TSC22D1: variants seen among roughly 807,000 people sequenced by gnomAD.
TSC22D1 encodes TSC22 domain family protein 1.
Under a neutral mutation model 74.2 loss-of-function variants are expected in TSC22D1, and 9 were observed. The observed-to-expected ratio is 0.12, with a 90% CI of 0.07 to 0.21. The LOEUF (loss-of-function observed/expected upper bound fraction) is 0.21, where lower values mean the gene tolerates loss of function less well. TSC22D1 is among the 10% of genes least tolerant of loss of function. The pLI is 1.00. For synonymous variants in TSC22D1, 586 were observed against 492.5 expected (o/e 1.19, Z -2.51); for missense variants, 1,427 against 1,304.7 (o/e 1.09, Z -1.44).
chr13:44,494,620 C>T (rs762543403), intron 1 of TSC22D1, among the ~76,000 whole-genome samples: 7 of 151,782 alleles, frequency 4.6e-5, no homozygotes, highest in Non-Finnish European at 8.8e-5. Flanking sequence ...GCAACAAAAA[C>T]AAACTCTGAG....
intron 1 of TSC22D1, among the ~76,000 whole-genome samples, chr13:44,546,562 A>G (rs1020928507): frequency 1.3e-5 from 2 of 152,194 alleles, no homozygotes; most frequent in African/African-American, 4.8e-5. Flanking sequence ...AGATATGACA[A>G]CCAAGTACAA....
chr13:44,543,733 A>G (rs1467698728), intron 1 of TSC22D1, among the ~76,000 whole-genome samples: 1 of 152,256 alleles, frequency 6.6e-6, no homozygotes, highest in Non-Finnish European at 1.5e-5. Context: ...CAAGTGGCCG[A>G]TATCTAAAGT....
intron 1 of TSC22D1, among the ~76,000 whole-genome samples, chr13:44,514,535 C>T (rs1462601293): frequency 6.6e-6 from 1 of 151,944 alleles, no homozygotes; most frequent in Non-Finnish European, 1.5e-5. Flanking sequence ...ATGATACAAA[C>T]TGACAGTATA....
At chr13:44,439,400 A>T (rs1016923894) in intron 1 of TSC22D1, among the ~76,000 whole-genome samples, 7 of 152,256 alleles carry the variant, frequency 4.6e-5, no homozygotes, top group African/African-American at 1.7e-4. Context: ...GAGAAGACAT[A>T]ATTTGAAAAA....
intron 1 of TSC22D1, among the ~76,000 whole-genome samples, chr13:44,544,636 TAA>T (rs1881702887): frequency 6.6e-6 from 1 of 151,366 alleles, no homozygotes; most frequent in South Asian, 2.1e-4. Context: ...AGTAATTTCC[TAA>T]AAGAGAAGAA....
intron 1 of TSC22D1, among the ~76,000 whole-genome samples, chr13:44,523,807 T>A (rs1024919976): frequency 2.0e-5 from 3 of 152,112 alleles, no homozygotes; most frequent in African/African-American, 7.2e-5. Context: ...ATTGCAGAAG[T>A]TAGGGGGTGT....
intron 1 of TSC22D1, among the ~76,000 whole-genome samples, chr13:44,454,924 T>C (rs1876454869): frequency 6.6e-6 from 1 of 152,222 alleles, no homozygotes; most frequent in Non-Finnish European, 1.5e-5. Flanking sequence ...AAATAGTTTT[T>C]TTTTAAAATA....
intron 1 of TSC22D1, among the ~76,000 whole-genome samples, chr13:44,555,871 C>A (rs1162866590): frequency 6.6e-6 from 1 of 151,652 alleles, no homozygotes; most frequent in African/African-American, 2.4e-5. Context: ...AAAAAAAATT[C>A]TCTTTTCTCC....
At chr13:44,449,291 G>A (rs930537509) in intron 1 of TSC22D1, among the ~76,000 whole-genome samples, 1 of 152,230 alleles carries the variant, frequency 6.6e-6, no homozygotes, top group Non-Finnish European at 1.5e-5. Flanking sequence ...GCTCACCACA[G>A]ACACAGAGCC....
intron 1 of TSC22D1, among the ~76,000 whole-genome samples, chr13:44,571,763 A>G (rs1421785533): frequency 6.6e-6 from 1 of 152,198 alleles, no homozygotes; most frequent in Admixed American, 6.5e-5. Flanking sequence ...TTTAGAGTAC[A>G]GTTTTGTACA....
rs115018190 is a variant in TSC22D1, at chr13:44,517,437, C to T, written c.2912+55726G>A. Among the ~76,000 whole-genome samples, 1,085 of 151,920 alleles carry T rather than the reference C, an allele frequency of 7.1e-3. 11 individuals are homozygous for T. The highest frequency in any genetic ancestry group is 0.025 in the African/African-American group (1,037 of 41,438). On this transcript the variant is annotated intron_variant, in intron 1 of 2. Coordinates refer to ENST00000458659, the MANE Select transcript of TSC22D1 (RefSeq NM_183422.4). ...TAAGCATAAATTAGAAAATTTCCCACAAGAAATTATCTACAATTGGCAAGA... is the reference window on the plus strand; with the variant it reads ...TAAGCATAAATTAGAAAATTTCCCATAAGAAATTATCTACAATTGGCAAGA...
intron 1 of TSC22D1, among the ~76,000 whole-genome samples, chr13:44,498,714 G>T (rs144830834): frequency 2.6e-5 from 4 of 152,212 alleles, no homozygotes; most frequent in South Asian, 2.1e-4. Flanking sequence ...TTCACTACCT[G>T]ATCCTCAGTA....
chr13:44,512,534 T>C (rs1363925596), intron 1 of TSC22D1, among the ~76,000 whole-genome samples: 1 of 152,172 alleles, frequency 6.6e-6, no homozygotes, highest in African/African-American at 2.4e-5. Context: ...CTGTTTCTCC[T>C]ATATTCCCTA....
chr13:44,482,660 T>C (rs564841312), intron 1 of TSC22D1, among the ~76,000 whole-genome samples: 12 of 152,214 alleles, frequency 7.9e-5, no homozygotes, highest in Non-Finnish European at 1.6e-4. Flanking sequence ...CATACTACCC[T>C]TTACTCTAAA....
At chr13:44,517,845 ATATATATATATATTT>A (rs1880105514) in intron 1 of TSC22D1, among the ~76,000 whole-genome samples, 2 of 23,080 alleles carry the variant, frequency 8.7e-5, no homozygotes, top group East Asian at 5.8e-4. Context: ...ATATATATAT[ATATATATATATATTT>A]TTTTTTTTTT....
In TSC22D1 at chr13:44,443,589, C is replaced by T. The variant is rs555564782; in HGVS notation, c.2913-7494G>A. On this transcript the variant is annotated intron_variant, in intron 1 of 2. Transcript: ENST00000458659. ...TGTTGCCAGGTGCAGTGCCACATAC[C>T]TGTAGTCCCAGCTTCTCAAAAGGCT... Among the ~76,000 whole-genome samples the T allele has an allele frequency of 2.6e-5, 4 of 152,286 alleles. No homozygotes were observed. The South Asian group carries it at 6.2e-4, about 24-fold the overall frequency.
chr13:44,567,896 C>T (rs1472827370), intron 1 of TSC22D1, among the ~76,000 whole-genome samples: 1 of 151,918 alleles, frequency 6.6e-6, no homozygotes, highest in Non-Finnish European at 1.5e-5. Flanking sequence ...TCCATCATGG[C>T]AAAACTTCAG....
rs187653154 is a variant in TSC22D1, at chr13:44,439,097, G to A, written c.2913-3002C>T. Among the ~76,000 whole-genome samples the A allele has an allele frequency of 4.1e-3, 624 of 152,214 alleles. 1 individual carries two copies. Among genetic ancestry groups the A allele is most frequent in the Non-Finnish European group, 7.1e-3 (484 of 68,008 alleles). ...TGTTTTTATTTCAATCATTTTAACT[G>A]ATCATCCATTGTATCAAGCAAGAGA... On this transcript the variant is annotated intron_variant, in intron 1 of 2. Coordinates refer to ENST00000458659, the MANE Select transcript of TSC22D1 (RefSeq NM_183422.4).
intron 1 of TSC22D1, among the ~76,000 whole-genome samples, chr13:44,532,162 G>T (rs1880873360): frequency 6.6e-6 from 1 of 152,210 alleles, no homozygotes; most frequent in African/African-American, 2.4e-5. Context: ...TCTCAAGGTT[G>T]TGGCTGTAAC....
Sources: gnomAD v4.1 joint callset for allele counts (sites outside exome capture counted in the v4.1 genomes callset) on GRCh38, gnomAD v4.1.1 for gene constraint, MANE v1.5 for transcripts, NCBI Gene and HGNC (gene_info 2026-07-23, HGNC 2026-07-21) for gene names.